Variants in TEX11 observed in about 807,000 individuals in gnomAD.
TEX11 encodes testis expressed 11.
TEX11 carries 7 observed loss-of-function variants against 84.4 expected under a neutral mutation model. The ratio of observed to expected loss-of-function variants is 0.08; its 90% confidence interval spans 0.05 to 0.16. TEX11 has a LOEUF of 0.16. TEX11 is among the 10% of genes least tolerant of loss of function. The probability of loss-of-function intolerance (pLI) is 1.00; values close to 1 mark genes in which losing one functional copy is unlikely to be tolerated. For missense variants in TEX11, 551 were observed against 660.5 expected (o/e 0.83, Z 1.82); for synonymous variants, 264 against 222.8 (o/e 1.18, Z -1.64).
intron 9 of TEX11, among the ~76,000 whole-genome samples, chrX:70,784,031 A>T (rs1304212613): frequency 8.9e-6 from 1 of 111,927 alleles, no homozygotes; most frequent in East Asian, 2.8e-4. Flanking sequence ...AAAAAAAAAG[A>T]GAATTTTAGA....
chrX:70,713,241 T>C (rs1241576202), intron 13 of TEX11, among the ~76,000 whole-genome samples: 2 of 111,827 alleles, frequency 1.8e-5, no homozygotes, highest in Non-Finnish European at 3.8e-5. Context: ...GGAATATTGG[T>C]CTAAAATTCT....
chrX:70,816,671 C>T (rs1260210576), intron 8 of TEX11, among the ~76,000 whole-genome samples: 1 of 108,538 alleles, frequency 9.2e-6, no homozygotes, highest in African/African-American at 3.4e-5. Context: ...AAGATCGTGC[C>T]ACTGCACTCC....
intron 25 of TEX11, among the ~76,000 whole-genome samples, chrX:70,583,262 T>A (rs926338814): frequency 7.2e-5 from 8 of 111,135 alleles, no homozygotes; most frequent in African/African-American, 2.3e-4. Context: ...CCTCCCACCA[T>A]CTCACCCTTC....
In TEX11 at chrX:70,842,138, A is replaced by G. The variant is rs1427815489; in HGVS notation, c.526-8545T>C. Among the ~76,000 whole-genome samples, 3 of 111,251 alleles carry G rather than the reference A, an allele frequency of 2.7e-5. No individual in the cohort carries two copies. In the Admixed American group the frequency reaches 2.9e-4, roughly 11 times the overall value. ...CCTCCCTAACTCATTTTATGAGGCC[A>G]GCATCATCCTGATACCAAAGCCTGG... On this transcript the variant is annotated intron_variant, in intron 7 of 29. Coordinates refer to ENST00000374333, the MANE Select transcript of TEX11 (RefSeq NM_031276.3).
At chrX:70,811,886 T>C (rs1050161815) in intron 8 of TEX11, among the ~76,000 whole-genome samples, 1 of 112,293 alleles carries the variant, frequency 8.9e-6, no homozygotes, top group African/African-American at 3.2e-5. Context: ...TGTTTATTTC[T>C]TGTAAATTTG....
intron 17 of TEX11, among the ~76,000 whole-genome samples, chrX:70,641,323 G>A (rs923257163): frequency 4.5e-5 from 5 of 110,885 alleles, no homozygotes; most frequent in Admixed American, 2.9e-4. Flanking sequence ...ATAATGGGAG[G>A]CTTTAACACC....
At chrX:70,628,254 A>G (rs1460157117) in intron 18 of TEX11, among the ~76,000 whole-genome samples, 9 of 109,443 alleles carry the variant, frequency 8.2e-5, no homozygotes, top group Admixed American at 2.9e-4. Flanking sequence ...CCACTATTAC[A>G]TCAGGCAAAA....
intron 9 of TEX11, among the ~76,000 whole-genome samples, chrX:70,748,039 G>C (rs1265348860): frequency 7.3e-5 from 8 of 109,782 alleles, no homozygotes; most frequent in Non-Finnish European, 3.8e-5. Flanking sequence ...ACAAATCTGA[G>C]GAACAAACAG....
intron 3 of TEX11, 45 bp from the exon 4 acceptor site, chrX:70,873,352 A>G: frequency 1.2e-6 from 1 of 837,241 alleles, no homozygotes; most frequent in Non-Finnish European, 1.8e-6. Flanking sequence ...AATACTGGCC[A>G]CCTCCAACGG....
chrX:70,605,407 A>C lies in TEX11; in HGVS notation c.2061T>G (p.Phe687Leu). 8.4e-7 allele frequency: 1 copy of C among 1,193,944 alleles called. No homozygotes were observed. The highest frequency in any genetic ancestry group is 1.1e-6 in the Non-Finnish European group (1 of 880,041). ...TTTGAAGGTTGCACATTACCTGTTC[A>C]AAAGCTGTTGAAGCTTTTCTCCCTT... ...LEQGRKASTA[F>L]EQTMFLSRAL... is the part of the protein sequence containing the mutation. The change falls in exon 24 of 30, where the codon TTT (phenylalanine) becomes TTG (leucine). Residue 687 changes from phenylalanine to leucine, a missense_variant. Physicochemically the swap from Phe to Leu is conservative, Grantham distance 22 (BLOSUM62 0). Coordinates refer to ENST00000374333, the MANE Select transcript of TEX11 (RefSeq NM_031276.3).
chrX:70,777,991 T>C (rs1286754953), intron 9 of TEX11, among the ~76,000 whole-genome samples: 2 of 112,141 alleles, frequency 1.8e-5, no homozygotes, highest in African/African-American at 6.5e-5. Context: ...ATTTCCTTCC[T>C]ACAAGATACT....
At position 70,731,076 on chromosome X, in the gene TEX11, A is replaced by G. The variant is rs766389246; in HGVS notation, c.844-5733T>C. Among the ~76,000 whole-genome samples, 671 of 111,858 alleles carry G rather than the reference A, an allele frequency of 6.0e-3. 4 individuals are homozygous for G. The highest frequency in any genetic ancestry group is 0.01 in the Non-Finnish European group (544 of 53,106). Reference sequence around the variant, plus strand: ...CTACTGGGTACATAACAAAATAAAGACAGAAATAAAGACGTTCTCTGAAAC... The same window carrying G: ...CTACTGGGTACATAACAAAATAAAGGCAGAAATAAAGACGTTCTCTGAAAC... On this transcript the variant is annotated intron_variant, in intron 11 of 29. Transcript: ENST00000374333.
chrX:70,534,975 C>G (rs1443393551), intron 28 of TEX11, among the ~76,000 whole-genome samples: 1 of 110,875 alleles, frequency 9.0e-6, no homozygotes, highest in African/African-American at 3.3e-5. Context: ...TCAACCTGCC[C>G]CCCTACCCCA....
At chrX:70,651,347 A>T (rs1020365478) in intron 17 of TEX11, 103 bp downstream of exon 17, 2 of 502,283 alleles carry the variant, frequency 4.0e-6, no homozygotes, top group Non-Finnish European at 6.4e-6. Context: ...CATATATTCA[A>T]TTCTATTGTC....
At chrX:70,755,274 T>C (rs1035155521) in intron 9 of TEX11, among the ~76,000 whole-genome samples, 6 of 111,977 alleles carry the variant, frequency 5.4e-5, no homozygotes, top group African/African-American at 2.0e-4. Flanking sequence ...TAACAAGTTT[T>C]TGTTAAGTTT....
chrX:70,708,977 C>G (rs1305507045), intron 13 of TEX11, among the ~76,000 whole-genome samples: 2 of 109,600 alleles, frequency 1.8e-5, no homozygotes, highest in African/African-American at 3.3e-5. Context: ...TAAAACCAAT[C>G]CCTCTAGGGA....
intron 2 of TEX11, among the ~76,000 whole-genome samples, chrX:70,882,298 C>T (rs1473089038): frequency 9.1e-6 from 1 of 110,071 alleles, no homozygotes; most frequent in African/African-American, 3.3e-5. Flanking sequence ...AAACAAAACC[C>T]CAATATAAAC....
intron 17 of TEX11, among the ~76,000 whole-genome samples, chrX:70,641,306 C>T (rs2089654442): frequency 9.0e-6 from 1 of 111,330 alleles, no homozygotes; most frequent in South Asian, 3.8e-4. Flanking sequence ...TAGATTCCCA[C>T]ACATTAATAA....
At chrX:70,777,478 C>T (rs1196222376) in intron 9 of TEX11, among the ~76,000 whole-genome samples, 1 of 110,858 alleles carries the variant, frequency 9.0e-6, no homozygotes, top group Non-Finnish European at 1.9e-5. Flanking sequence ...GAGAAACCCC[C>T]GTCTCTACTA....
Sources: allele counts gnomAD v4.1 joint callset (sites outside exome capture counted in the v4.1 genomes callset), GRCh38; gene constraint gnomAD v4.1.1; transcripts MANE v1.5; gene names NCBI Gene and HGNC (gene_info 2026-07-23, HGNC 2026-07-21).